CALN1: variants seen among roughly 807,000 people sequenced by gnomAD.
CALN1 encodes calcium-binding protein 8.
Under a neutral mutation model 30.6 loss-of-function variants are expected in CALN1, and 17 were observed. The ratio of observed to expected loss-of-function variants is 0.56; its 90% CI spans 0.38 to 0.83. CALN1 has a LOEUF of 0.83. Ranked by LOEUF, CALN1 falls within the 40% of genes least tolerant of loss-of-function variation. CALN1 has a pLI of 0.00. For synonymous variants in CALN1, 156 were observed against 131.4 expected, an observed-to-expected ratio of 1.19 and a Z score of -1.28; for missense variants, 291 against 354.9, an observed-to-expected ratio of 0.82 and a Z score of 1.45.
At chr7:72,129,359 C>T (rs935237220) in intron 3 of CALN1, among the ~76,000 whole-genome samples, 1 of 152,056 alleles carries the variant, frequency 6.6e-6, no homozygotes, top group Admixed American at 6.6e-5. Flanking sequence ...TCAATGATTC[C>T]ACCTCTAGAA....
At chr7:71,833,109 T>C (rs1365753363) in intron 5 of CALN1, among the ~76,000 whole-genome samples, 1 of 152,230 alleles carries the variant, frequency 6.6e-6, no homozygotes, top group Non-Finnish European at 1.5e-5. Flanking sequence ...CCTTTAGGCC[T>C]CAACTTCTCT....
rs570723015 is a variant in CALN1 at position 71,938,475 on chromosome 7, G to C, written c.501+85182C>G. Among the ~76,000 whole-genome samples the C allele has an allele frequency of 3.9e-5, 6 of 152,040 alleles. No homozygotes were observed. The South Asian group carries it at 1.0e-3, about 26-fold the overall frequency. On this transcript the variant is annotated intron_variant, in intron 5 of 6. Transcript: ENST00000395275. The stretch of plus-strand genomic sequence containing the variant: ...ATGTGTGTCTGAGAGTGGGGCGGGG[G>C]AAAGAAGAACTGAGAGGAGCATTAT...
chr7:72,146,774 T>C (rs1003661597), intron 3 of CALN1, among the ~76,000 whole-genome samples: 18 of 152,262 alleles, frequency 1.2e-4, no homozygotes, highest in African/African-American at 4.3e-4. Flanking sequence ...AACAAAGCTA[T>C]AGACCAATGG....
intron 1 of CALN1, among the ~76,000 whole-genome samples, chr7:72,424,556 T>C (rs1002254568): frequency 1.3e-5 from 2 of 152,116 alleles, no homozygotes; most frequent in African/African-American, 2.4e-5. Context: ...TAAAACAAGA[T>C]TGTTTATTTC....
chr7:71,797,212 T>G (rs1204166708), intron 6 of CALN1, among the ~76,000 whole-genome samples: 2 of 152,144 alleles, frequency 1.3e-5, no homozygotes, highest in South Asian at 2.1e-4. Context: ...GATTCCTTGC[T>G]CCGCGACAGA....
chr7:72,265,109 C>T (rs546694074), intron 3 of CALN1, among the ~76,000 whole-genome samples: 1 of 152,342 alleles, frequency 6.6e-6, no homozygotes, highest in Middle Eastern at 3.4e-3. Flanking sequence ...GCATGAGCCA[C>T]CACGCCCAAG....
At chr7:71,936,094 T>C (rs562220970) in intron 5 of CALN1, among the ~76,000 whole-genome samples, 105 of 152,310 alleles carry the variant, frequency 6.9e-4, no homozygotes, top group Non-Finnish European at 1.2e-3. Flanking sequence ...AGAACTCTAA[T>C]GGCATCACCT....
At chr7:72,274,645 T>C (rs1436497256) in intron 3 of CALN1, among the ~76,000 whole-genome samples, 6 of 152,184 alleles carry the variant, frequency 3.9e-5, no homozygotes, top group African/African-American at 1.4e-4. Flanking sequence ...CTAATAAATC[T>C]GGTATATGCA....
At chr7:71,829,219 C>G (rs1223554157) in intron 5 of CALN1, among the ~76,000 whole-genome samples, 2 of 152,050 alleles carry the variant, frequency 1.3e-5, no homozygotes, top group Non-Finnish European at 2.9e-5. Context: ...GGTTCACAAC[C>G]CTAAATGTAA....
chr7:72,250,781 G>T (rs1795500282), intron 3 of CALN1, among the ~76,000 whole-genome samples: 1 of 152,094 alleles, frequency 6.6e-6, no homozygotes. Context: ...AGCTCCCTGA[G>T]GCCTCACCAG....
At chr7:72,209,262 TTCCTTCCC>T (rs1792167168) in intron 3 of CALN1, among the ~76,000 whole-genome samples, 193 of 82,126 alleles carry the variant, frequency 2.4e-3, no homozygotes, top group Non-Finnish European at 2.8e-3. Flanking sequence ...CCTTCCCTCT[TTCCTTCCC>T]TCCTTCCCTC....
chr7:72,070,549 AATTT>A (rs369582103), intron 4 of CALN1, among the ~76,000 whole-genome samples: 1 of 152,136 alleles, frequency 6.6e-6, no homozygotes, highest in African/African-American at 2.4e-5. Flanking sequence ...GCCCTTTTAG[AATTT>A]ATTTATTTCT....
At position 72,189,475 on chromosome 7, in the gene CALN1, G is replaced by A. The variant is rs545418492; in HGVS notation, c.245-83181C>T. On this transcript the variant is annotated intron_variant, in intron 3 of 6. Coordinates refer to ENST00000395275, the MANE Select transcript of CALN1 (RefSeq NM_031468.4). ...GACATTATTAAATCAAGTTACTGCA[G>A]GCTGGGCATGGTGGCTCACGCCTGT... Among the ~76,000 whole-genome samples, 3 of 152,322 alleles carry A rather than the reference G, an allele frequency of 2.0e-5. No homozygotes were observed. The South Asian group carries it at 6.2e-4, about 32-fold the overall frequency.
chr7:71,857,449 G>T (rs1791022427), intron 5 of CALN1, among the ~76,000 whole-genome samples: 1 of 152,158 alleles, frequency 6.6e-6, no homozygotes, highest in African/African-American at 2.4e-5. Context: ...TGCTGTCAGG[G>T]CTCTCACCCA....
At chr7:71,929,266 T>A (rs1297146927) in intron 5 of CALN1, among the ~76,000 whole-genome samples, 1 of 152,192 alleles carries the variant, frequency 6.6e-6, no homozygotes, top group Non-Finnish European at 1.5e-5. Context: ...TTCTTCCTGA[T>A]GCCCTCCCTC....
intron 5 of CALN1, among the ~76,000 whole-genome samples, chr7:71,830,229 G>A (rs1032243430): frequency 6.6e-6 from 1 of 152,048 alleles, no homozygotes; most frequent in Non-Finnish European, 1.5e-5. Flanking sequence ...TTTTAGTAGA[G>A]ATGGGTTTTC....
chr7:72,269,424 G>A (rs766910464), intron 3 of CALN1, among the ~76,000 whole-genome samples: 3 of 151,388 alleles, frequency 2.0e-5, no homozygotes, highest in African/African-American at 4.9e-5. Context: ...TGTTCTCATT[G>A]TTCAATTCCC....
intron 2 of CALN1, among the ~76,000 whole-genome samples, chr7:72,309,413 C>G (rs1279421270): frequency 2.0e-5 from 3 of 152,126 alleles, no homozygotes; most frequent in Non-Finnish European, 4.4e-5. Context: ...GAATGGACCC[C>G]TCTCTTCTGA....
chr7:71,784,242 T>C lies in CALN1; in HGVS notation c.*3533A>G, dbSNP rs1319059385. ...GAGTAAATAGAAGGACAAGTTCAAATGCCAGACAAAAAGGCAGAGATACCA... is the reference window on the plus strand; with the variant it reads ...GAGTAAATAGAAGGACAAGTTCAAACGCCAGACAAAAAGGCAGAGATACCA... On this transcript the variant is annotated 3_prime_UTR_variant, in exon 7 of 7. Transcript: ENST00000395275. The C allele has an allele frequency of 2.6e-5, 4 of 152,168 alleles. No individual in the cohort carries two copies. The highest frequency in any genetic ancestry group is 4.4e-5 in the Non-Finnish European group (3 of 68,044). 9.4% of individuals were successfully genotyped at this position (152,168 alleles called of 1,614,324 possible). A position where few individuals can be genotyped will look rare whatever the true frequency, so the allele number is the denominator to read the frequency against.
Sources: allele counts gnomAD v4.1 joint callset (sites outside exome capture counted in the v4.1 genomes callset), GRCh38; gene constraint gnomAD v4.1.1; transcripts MANE v1.5; gene names NCBI Gene and HGNC (gene_info 2026-07-23, HGNC 2026-07-21).